The following CD151 variants were observed in gnomAD, a reference collection of about 807,000 sequenced individuals.
CD151 encodes CD151 antigen.
Under a neutral mutation model 34.2 loss-of-function variants are expected in CD151, and 20 were observed. The ratio of observed to expected loss-of-function variants is 0.58; its 90% CI spans 0.41 to 0.85. The LOEUF is 0.85. Among genes scored for constraint, CD151 ranks in the 40% least tolerant of loss-of-function variants. The probability of loss-of-function intolerance (pLI) is 0.00; values close to 1 mark genes in which losing one functional copy is unlikely to be tolerated. For synonymous variants in CD151, 157 were observed against 131.7 expected (o/e 1.19, Z -1.32); for missense variants, 306 against 324.5 (o/e 0.94, Z 0.44).
rs564496315 is a variant in CD151 at position 835,774 on chromosome 11, G to A, written c.-7-289G>A. ...ACCATCTCGGCTCACTGCAAGCTTCGCCTCCCGGGTTCACGCCATTCTCCT... is the reference window on the plus strand; with the variant it reads ...ACCATCTCGGCTCACTGCAAGCTTCACCTCCCGGGTTCACGCCATTCTCCT... On this transcript the variant is annotated intron_variant, in intron 2 of 8. Transcript: ENST00000397420. 160 of 343,772 alleles carry A rather than the reference G, an allele frequency of 4.7e-4. 5 individuals are homozygous for A. In the South Asian group the frequency reaches 5.0e-3, roughly 11 times the overall value. 21.3% of individuals were successfully genotyped at this position (343,772 alleles called of 1,614,324 possible). A position where few individuals can be genotyped will look rare whatever the true frequency, so the allele number is the denominator to read the frequency against.
At chr11:836,975 C>T in intron 5 of CD151, 132 bp downstream of exon 5, 1 of 790,914 alleles carries the variant, frequency 1.3e-6, no homozygotes, top group Middle Eastern at 2.6e-4. Flanking sequence ...GCCACTGGGC[C>T]CTGGAGATGG....
chr11:835,176 C>CCCTGT (rs1263423855), intron 2 of CD151: 2 of 152,220 alleles, frequency 1.3e-5, no homozygotes, highest in Non-Finnish European at 2.9e-5. Context: ...CCTCCATGAC[C>CCCTGT]CCTGTCCTGT....
intron 3 of CD151, 33 bp from the exon 4 acceptor site, chr11:836,218 G>C: frequency 6.2e-7 from 1 of 1,606,376 alleles, no homozygotes. Context: ...TCAGACCTGG[G>C]CAGATGCGAT....
chr11:833,138 C>G (rs74194353), intron 1 of CD151, 112 bp downstream of exon 1: 14 of 148,942 alleles, frequency 9.4e-5, no homozygotes. Context: ...CGCGCCCCAG[C>G]CCCGGAGGCC....
In CD151 at chr11:838,553, G is replaced by C; in HGVS notation, c.*361G>C. 2.8e-6 allele frequency: 1 copy of C among 356,238 alleles called. No individual in the cohort carries two copies. The highest frequency in any genetic ancestry group is 3.3e-5 in the South Asian group (1 of 30,372). The allele number at this position is 356,238 out of a possible 1,614,324, so 22.1% of individuals were successfully genotyped here. On this transcript the variant is annotated 3_prime_UTR_variant, in exon 9 of 9. Coordinates refer to ENST00000397420, the MANE Select transcript of CD151 (RefSeq NM_004357.5). The stretch of plus-strand genomic sequence containing the variant: ...TCAGGAACTGGGGCCTTGCCTTGCA[G>C]CCACATGGCCCCATCCCAGTTGGGG...
At chr11:838,092 C>T (rs1846848088) in intron 8 of CD151, 41 bp from the exon 9 acceptor site, 1 of 1,607,102 alleles carries the variant, frequency 6.2e-7, no homozygotes, top group South Asian at 1.1e-5. Context: ...TGGCTGGTGG[C>T]CCCATGACGT....
In CD151 at chr11:836,808, A is replaced by G. The variant is rs763318055; in HGVS notation, c.316A>G (p.Ile106Val). 6.2e-7 allele frequency: 1 copy of G among 1,612,718 alleles called. No homozygotes were observed. Among genetic ancestry groups the G allele is most frequent in the Non-Finnish European group, 8.5e-7 (1 of 1,179,920 alleles). The change falls in exon 5 of 9, where the codon ATC becomes GTC. Residue 106 changes from isoleucine (I) to valine (V), a missense_variant. By Grantham distance (29) the Ile-to-Val change is conservative (BLOSUM62 3). Transcript: ENST00000397420. ...CCTCATCATCTTTCTGCTGGAGATCATCGCTGGTATCCTCGCCTACGCCTA... is the reference window on the plus strand; with the variant it reads ...CCTCATCATCTTTCTGCTGGAGATCGTCGCTGGTATCCTCGCCTACGCCTA... ...LLLIIFLLEI[I>V]AGILAYAYYQ...
intron 5 of CD151, 184 bp from the exon 6 acceptor site, chr11:837,066 C>T: frequency 3.0e-6 from 2 of 659,910 alleles, no homozygotes; most frequent in Non-Finnish European, 5.5e-6. Context: ...TGCCGCACTT[C>T]ATTGTCACCC....
intron 5 of CD151, 60 bp from the exon 6 acceptor site, chr11:837,190 G>A: frequency 1.4e-6 from 2 of 1,415,406 alleles, no homozygotes; most frequent in East Asian, 2.3e-5. Flanking sequence ...CTGGGGCTCT[G>A]CCAGCCCCAC....
intron 2 of CD151, chr11:835,008 C>T (rs1846696113): frequency 6.6e-6 from 1 of 152,468 alleles, no homozygotes; most frequent in African/African-American, 2.4e-5. Flanking sequence ...GCCTCCTCCG[C>T]CCTTACTGCA....
At chr11:836,180 C>T in intron 3 of CD151, 27 bp downstream of exon 3, 1 of 1,365,538 alleles carries the variant, frequency 7.3e-7, no homozygotes. Flanking sequence ...TTGCCCCCAC[C>T]CCCACCCCCA....
At chr11:838,109 A>T (rs1565119347) in intron 8 of CD151, 24 bp from the exon 9 acceptor site, 3 of 1,611,930 alleles carry the variant, frequency 1.9e-6, no homozygotes, top group Admixed American at 3.3e-5. Context: ...ACGTCTGCTT[A>T]CGCCCACCCG....
chr11:833,818 CCCG>C (rs142707435), intron 1 of CD151, among the ~76,000 whole-genome samples: 534 of 23,234 alleles, frequency 0.023, 4 homozygotes, highest in Non-Finnish European at 0.029. Context: ...AGACGCACAC[CCCG>C]CCCCCCGGTG....
Position 836,818 on chromosome 11 carries a change from T to A in CD151, c.326T>A (p.Ile109Asn). The stretch of plus-strand genomic sequence containing the variant: ...TTTCTGCTGGAGATCATCGCTGGTA[T>A]CCTCGCCTACGCCTACTACCAGCAG... ...IIFLLEIIAG[I>N]LAYAYYQQLN... The change falls in exon 5 of 9, where the codon ATC becomes AAC. Residue 109 changes from isoleucine to asparagine, a missense_variant. Ile to Asn is a moderately radical substitution (Grantham distance 149, BLOSUM62 -3). Coordinates refer to ENST00000397420, the MANE Select transcript of CD151 (RefSeq NM_004357.5). 1 of 1,612,734 alleles carries A rather than the reference T, an allele frequency of 6.2e-7. No homozygotes were observed. The highest frequency in any genetic ancestry group is 8.5e-7 in the Non-Finnish European group (1 of 1,179,912).
At chr11:836,021 C>A (rs1023121527) in intron 2 of CD151, 42 bp from the exon 3 acceptor site, 6 of 1,172,364 alleles carry the variant, frequency 5.1e-6, no homozygotes, top group African/African-American at 3.0e-5. Flanking sequence ...CAGTCAGGGG[C>A]CCGGTGCTGT....
chr11:836,035 C>G (rs370083417), intron 2 of CD151, 28 bp from the exon 3 acceptor site: 1 of 1,376,468 alleles, frequency 7.3e-7, no homozygotes, highest in Non-Finnish European at 1.0e-6. Flanking sequence ...GTGCTGTGGC[C>G]CCGCTGACCC....
intron 4 of CD151, 28 bp downstream of exon 4, chr11:836,470 G>A (rs774058678): frequency 7.1e-6 from 11 of 1,555,022 alleles, no homozygotes; most frequent in African/African-American, 1.4e-5. Flanking sequence ...CCACGGGGTG[G>A]GGGTGGTGCA....
intron 4 of CD151, 72 bp from the exon 5 acceptor site, chr11:836,697 C>A: frequency 1.4e-6 from 2 of 1,470,526 alleles, no homozygotes; most frequent in Non-Finnish European, 1.9e-6. Flanking sequence ...GGGGTGGGGA[C>A]TCTGCTCTGA....
chr11:838,672 C>A lies in CD151; in HGVS notation c.*480C>A, dbSNP rs1803956. On this transcript the variant is annotated 3_prime_UTR_variant, in exon 9 of 9. Transcript: ENST00000397420. ...ACAGCGCCCCTGCTGTCTTCCCCAC[C>A]GCAGTCACCACCACCCGAAATGCCA... is the stretch of plus-strand genomic sequence containing the variant. 4.8e-6 allele frequency: 1 copy of A among 208,802 alleles called. No homozygotes were observed. Among genetic ancestry groups the A allele is most frequent in the East Asian group, 1.2e-4 (1 of 8,114 alleles). The allele number at this position is 208,802 out of a possible 1,614,324, so 12.9% of individuals were successfully genotyped here.
Sources: allele counts gnomAD v4.1 joint callset (sites outside exome capture counted in the v4.1 genomes callset), GRCh38; gene constraint gnomAD v4.1.1; transcripts MANE v1.5; gene names NCBI Gene and HGNC (gene_info 2026-07-23, HGNC 2026-07-21).